TSBP1: variants seen among roughly 807,000 people sequenced by gnomAD.
TSBP1 encodes the protein testis expressed basic protein 1, also known as testis-expressed basic protein 1.
TSBP1 carries 56 observed loss-of-function variants against 68.8 expected under a neutral mutation model. The observed-to-expected ratio is 0.81, with a 90% CI of 0.66 to 1.02. The LOEUF is 1.02. TSBP1 is among the 50% of genes least tolerant of loss of function. TSBP1 has a pLI of 0.00. For missense variants in TSBP1, 502 were observed against 641.2 expected (o/e 0.78, Z 2.34); for synonymous variants, 171 against 208.7 (o/e 0.82, Z 1.56).
At chr6:32,368,027 G>T in intron 3 of TSBP1, 70 bp from the exon 4 acceptor site, 1 of 1,249,740 alleles carries the variant, frequency 8.0e-7, no homozygotes, top group Non-Finnish European at 1.2e-6. Context: ...AAGACTCTGA[G>T]AACTAATGTA....
chr6:32,297,928 G>GA (rs1373193693), intron 22 of TSBP1, among the ~76,000 whole-genome samples: 4 of 151,938 alleles, frequency 2.6e-5, no homozygotes, highest in African/African-American at 9.7e-5. Context: ...AATCAATTGG[G>GA]AAAAATGTGT....
Position 32,355,193 on chromosome 6 carries a change from C to G in TSBP1, c.239-49G>C, listed in dbSNP as rs773837128. On this transcript the variant is annotated intron_variant, in intron 7 of 22. Transcript: ENST00000612031. ...TGAGGTGAATCATGAGAGTTTGGATCCCTAATCTTTACATATCAGCTTCAG... is the reference window on the plus strand; with the variant it reads ...TGAGGTGAATCATGAGAGTTTGGATGCCTAATCTTTACATATCAGCTTCAG... 5 of 1,593,830 alleles carry G rather than the reference C, an allele frequency of 3.1e-6. No individual in the cohort carries two copies. The East Asian group carries it at 1.1e-4, about 36-fold the overall frequency.
chr6:32,339,816 A>C (rs1400967558), intron 9 of TSBP1, among the ~76,000 whole-genome samples, 178 bp from the exon 11 acceptor site: 1 of 152,174 alleles, frequency 6.6e-6, no homozygotes, highest in Non-Finnish European at 1.5e-5. Flanking sequence ...CAAGTCACTA[A>C]ATGTTTTGAA....
intron 6 of TSBP1, among the ~76,000 whole-genome samples, chr6:32,359,951 G>A (rs931875263): frequency 2.0e-5 from 3 of 151,880 alleles, no homozygotes; most frequent in African/African-American, 4.8e-5. Flanking sequence ...TACAGTGTGC[G>A]ATTCTAATAT....
intron 19 of TSBP1, among the ~76,000 whole-genome samples, chr6:32,303,920 A>G (rs528939388): frequency 1.2e-4 from 19 of 152,056 alleles, no homozygotes; most frequent in Admixed American, 5.9e-4. Flanking sequence ...TCTACCTTTT[A>G]TCTTTTGGAG....
Position 32,302,108 on chromosome 6 carries a change from C to T in TSBP1, c.601+501G>A, listed in dbSNP as rs562972843. 5.4e-4 allele frequency among the ~76,000 whole-genome samples: 82 copies of T among 151,970 alleles called. No individual in the cohort carries two copies. In the South Asian group the frequency reaches 0.013, roughly 25 times the overall value. On this transcript the variant is annotated intron_variant, in intron 20 of 22. Coordinates refer to ENST00000612031, the Ensembl canonical transcript of TSBP1. The surrounding 1 kb of genome is among the most constrained non-coding windows in gnomAD (Gnocchi z 5.1). The stretch of plus-strand genomic sequence containing the variant: ...TATATTGTCTATGACTGTTTTTGTG[C>T]TACAACAGCAGGGTTGAGTAGTTGT...
At position 32,302,678 on chromosome 6, in the gene TSBP1, G is replaced by C. The variant is rs773946909; in HGVS notation, c.581-49C>G. The stretch of plus-strand genomic sequence containing the variant: ...GGTTAATGGCAGCATTTTTGGAACA[G>C]AAGTACAGTTCTTTCCTACTCCCAA... On this transcript the variant is annotated intron_variant, in intron 19 of 22. Transcript: ENST00000612031. The surrounding 1 kb of genome is among the most constrained non-coding windows in gnomAD (Gnocchi z 5.1). 1.4e-6 allele frequency: 2 copies of C among 1,412,934 alleles called. No individual in the cohort carries two copies. Among genetic ancestry groups the C allele is most frequent in the Non-Finnish European group, 9.7e-7 (1 of 1,032,406 alleles). 87.5% of individuals were successfully genotyped at this position (1,412,934 alleles called of 1,614,324 possible).
At position 32,330,674 on chromosome 6, in the gene TSBP1, A is replaced by ACACT. The variant is rs549721169; in HGVS notation, c.494-66_494-65insAGTG. ...CACACACACACACACACACACACAC[A>ACACT]CTTCTATTTTTTGAGACAGAGTCTC... On this transcript the variant is annotated intron_variant, in intron 15 of 22. Transcript: ENST00000612031. The ACACT allele has an allele frequency of 1.2e-4, 173 of 1,429,670 alleles. 1 individual carries two copies. Among genetic ancestry groups the ACACT allele is most frequent in the South Asian group, 9.0e-4 (67 of 74,348 alleles). 88.6% of individuals were successfully genotyped at this position (1,429,670 alleles called of 1,614,324 possible).
intron 16 of TSBP1, among the ~76,000 whole-genome samples, chr6:32,327,965 T>TTATTA (rs200826468): frequency 1.0e-4 from 12 of 119,704 alleles, no homozygotes; most frequent in African/African-American, 4.3e-4. Context: ...CTTATTATTA[T>TTATTA]TTTTTTTTTT....
intron 19 of TSBP1, among the ~76,000 whole-genome samples, chr6:32,312,711 AG>A (rs1766527885): frequency 6.6e-6 from 1 of 152,158 alleles, no homozygotes; most frequent in Non-Finnish European, 1.5e-5. Context: ...CCCCAAATCT[AG>A]GAGTAACCCT....
At chr6:32,312,966 A>G (rs1466271667) in intron 19 of TSBP1, among the ~76,000 whole-genome samples, 3 of 152,200 alleles carry the variant, frequency 2.0e-5, no homozygotes, top group African/African-American at 7.2e-5. Context: ...ATTATAAAGT[A>G]GACCCTATCA....
At chr6:32,299,642 G>A (rs1177310919) in intron 22 of TSBP1, among the ~76,000 whole-genome samples, 1 of 152,098 alleles carries the variant, frequency 6.6e-6, no homozygotes, top group East Asian at 1.9e-4. Context: ...CTTGGGGCCT[G>A]GCACAGTTGC....
chr6:32,336,663 G>A lies in TSBP1; in HGVS notation c.410-28C>T. 1 of 1,605,512 alleles carries A rather than the reference G, an allele frequency of 6.2e-7. No homozygotes were observed. Among genetic ancestry groups the A allele is most frequent in the South Asian group, 1.1e-5 (1 of 90,886 alleles). On this transcript the variant is annotated intron_variant, in intron 11 of 22. Coordinates refer to ENST00000612031, the Ensembl canonical transcript of TSBP1. This position sits in a 1 kb window ranked among gnomAD's most constrained non-coding sequence, Gnocchi z 5.2. ...GAAATACAAAAAGGAGGAAAGTGTG[G>A]TTTGACATTAATAGAATTTTCATTT...
At position 32,304,113 on chromosome 6, in the gene TSBP1, C is replaced by T. The variant is rs567758388; in HGVS notation, c.581-1484G>A. 1.3e-5 allele frequency among the ~76,000 whole-genome samples: 2 copies of T among 151,546 alleles called. No individual in the cohort carries two copies. Among genetic ancestry groups the T allele is most frequent in the African/African-American group, 4.8e-5 (2 of 41,286 alleles). ...CTATGTGGTTTCTTGTTTCTGTGGG[C>T]CTTTGACTTATTTAAAAGACAAAGA... On this transcript the variant is annotated intron_variant, in intron 19 of 22. Transcript: ENST00000612031. The surrounding 1 kb of genome is among the most constrained non-coding windows in gnomAD (Gnocchi z 4.8).
intron 6 of TSBP1, among the ~76,000 whole-genome samples, chr6:32,362,245 C>T (rs1267879207): frequency 1.4e-5 from 2 of 144,304 alleles, no homozygotes; most frequent in Non-Finnish European, 3.0e-5. Context: ...GCCGAGATCG[C>T]GCCACTGCAC....
chr6:32,370,801 T>A (rs1774323520), intron 1 of TSBP1, among the ~76,000 whole-genome samples: 1 of 149,948 alleles, frequency 6.7e-6, no homozygotes. Context: ...TTAGACAATA[T>A]CATATGGTTA....
chr6:32,367,710 A>G (rs1342374358), intron 4 of TSBP1, among the ~76,000 whole-genome samples: 1 of 152,212 alleles, frequency 6.6e-6, no homozygotes, highest in Non-Finnish European at 1.5e-5. Context: ...GATGGAAATG[A>G]ATTCTTTTGA....
chr6:32,369,571 A>G (rs1416971885), intron 2 of TSBP1, among the ~76,000 whole-genome samples: 2 of 152,050 alleles, frequency 1.3e-5, no homozygotes, highest in African/African-American at 4.8e-5. Flanking sequence ...GGGTTTCACC[A>G]TTTTGGTCAG....
At chr6:32,293,715 C>T in exon 23 of TSBP1, 1 of 1,612,992 alleles carries the variant, frequency 6.2e-7, no homozygotes. Context: ...ATTTGGGCTC[C>T]CTGTCCTTGT....
Sources: allele counts gnomAD v4.1 joint callset (sites outside exome capture counted in the v4.1 genomes callset), GRCh38; gene constraint gnomAD v4.1.1; non-coding constraint Gnocchi (gnomAD v3.1); transcripts MANE v1.5; gene names NCBI Gene and HGNC (gene_info 2026-07-23, HGNC 2026-07-21).